Variants in EFNB2 observed in about 807,000 individuals in gnomAD.
The protein encoded by EFNB2 is ephrin-B2.
A neutral mutation model predicts 32.1 loss-of-function variants in EFNB2; 5 were observed. That is an observed-to-expected ratio of 0.16 (90% CI 0.08 to 0.33). The LOEUF is 0.33. Ranked by LOEUF, EFNB2 falls within the 10% of genes least tolerant of loss-of-function variation. EFNB2 has a pLI of 1.00. For missense variants in EFNB2, 263 were observed against 422.6 expected, an observed-to-expected ratio of 0.62 and a Z score of 3.31; for synonymous variants, 168 against 166.5, an observed-to-expected ratio of 1.01 and a Z score of -0.07.
rs1878566783 is a variant in EFNB2, at chr13:106,495,696, T to C, written c.499+52A>G. 3.9e-6 allele frequency: 6 copies of C among 1,558,158 alleles called. No homozygotes were observed. The Admixed American group carries it at 6.9e-5, about 18-fold the overall frequency. The stretch of plus-strand genomic sequence containing the variant: ...TCGGCAACATTAGCACCATACTAGC[T>C]GGGGGCTACACCAGGTCACAGTGGC... On this transcript the variant is annotated intron_variant, in intron 3 of 4. Coordinates refer to ENST00000646441, the MANE Select transcript of EFNB2 (RefSeq NM_004093.4).
intron 1 of EFNB2, among the ~76,000 whole-genome samples, chr13:106,528,414 G>A (rs1594178670): frequency 6.6e-6 from 1 of 151,522 alleles, no homozygotes; most frequent in Admixed American, 6.6e-5. Flanking sequence ...CTCATTTAAT[G>A]ACCATTTTTG....
At chr13:106,505,351 C>T (rs1247995110) in intron 2 of EFNB2, among the ~76,000 whole-genome samples, 1 of 152,128 alleles carries the variant, frequency 6.6e-6, no homozygotes, top group Admixed American at 6.5e-5. Context: ...AAGGGTCCAG[C>T]GGCCCTGGAC....
rs1322194550 is a variant in EFNB2, at chr13:106,512,645, G to T, written c.290C>A (p.Pro97His). The change falls in exon 2 of 5, where the codon CCT (proline) becomes CAT (histidine). Residue 97 changes from proline (P) to histidine (H), a missense_variant. Coordinates refer to ENST00000646441, the MANE Select transcript of EFNB2 (RefSeq NM_004093.4). ...GTCTGGTTTGGCACAGTTGAGGAGA[G>T]GGGTATTTTCCTTCTTAATAGTGCA... ...DRCTIKKENT[P>H]LLNCAKPDQD... 2 of 1,613,724 alleles carry T rather than the reference G, an allele frequency of 1.2e-6. No individual in the cohort carries two copies. The highest frequency in any genetic ancestry group is 1.7e-6 in the Non-Finnish European group (2 of 1,179,920).
intron 2 of EFNB2, among the ~76,000 whole-genome samples, chr13:106,510,578 T>C (rs188434350): frequency 0.032 from 4,455 of 140,996 alleles, 239 homozygotes; most frequent in African/African-American, 0.14. Flanking sequence ...CTCTAGTGTG[T>C]CCCCTCTTCC....
intron 1 of EFNB2, among the ~76,000 whole-genome samples, chr13:106,523,792 C>T (rs1262825356): frequency 6.6e-6 from 1 of 151,828 alleles, no homozygotes; most frequent in Non-Finnish European, 1.5e-5. Context: ...TGATTTGAGT[C>T]TTCTCAGCTC....
At chr13:106,494,017 C>T (rs865936063) in intron 4 of EFNB2, among the ~76,000 whole-genome samples, 3 of 152,164 alleles carry the variant, frequency 2.0e-5, no homozygotes, top group East Asian at 1.9e-4. Context: ...ACTCTCACAC[C>T]GAACAGACTG....
chr13:106,495,514 C>A (rs531899401), intron 3 of EFNB2, among the ~76,000 whole-genome samples: 11 of 152,102 alleles, frequency 7.2e-5, no homozygotes, highest in South Asian at 4.2e-4. Context: ...ATCTATCTAT[C>A]TATCTATCTA....
At position 106,493,228 on chromosome 13, in the gene EFNB2, G is replaced by A. The variant is rs1481927436; in HGVS notation, c.814C>T (p.Leu272=). 6.2e-7 allele frequency: 1 copy of A among 1,614,120 alleles called. No homozygotes were observed. Among genetic ancestry groups the A allele is most frequent in the South Asian group, 1.1e-5 (1 of 91,090 alleles). The change falls in exon 5 of 5, where the codon CTG becomes TTG. Residue 272 remains leucine (L), a synonymous_variant. Coordinates refer to ENST00000646441, the MANE Select transcript of EFNB2 (RefSeq NM_004093.4). This position sits in a 1 kb window ranked among gnomAD's most constrained non-coding sequence, Gnocchi z 6.1. ...QHTTTLSLST[L]ATPKRSGNNN... ...TTGCCGCTGCGCTTGGGTGTGGCCAGTGTGCTGAGCGACAGCGTGGTCGTG... is the reference window on the plus strand; with the variant it reads ...TTGCCGCTGCGCTTGGGTGTGGCCAATGTGCTGAGCGACAGCGTGGTCGTG...
Position 106,489,996 on chromosome 13 carries a change from G to A in EFNB2, c.*3044C>T, listed in dbSNP as rs916659092. 2 of 152,436 alleles carry A rather than the reference G, an allele frequency of 1.3e-5. No individual in the cohort carries two copies. Among genetic ancestry groups the A allele is most frequent in the African/African-American group, 2.4e-5 (1 of 41,390 alleles). 9.4% of individuals were successfully genotyped at this position (152,436 alleles called of 1,614,324 possible). ...ATAAATATTCATGGTACATAATTAC[G>A]GCACAAATATGCAGCAATTTGGCAA... On this transcript the variant is annotated 3_prime_UTR_variant, in exon 5 of 5. Coordinates refer to ENST00000646441, the MANE Select transcript of EFNB2 (RefSeq NM_004093.4).
intron 1 of EFNB2, among the ~76,000 whole-genome samples, chr13:106,530,840 C>A (rs1456150898): frequency 6.6e-6 from 1 of 152,194 alleles, no homozygotes; most frequent in Non-Finnish European, 1.5e-5. Context: ...GCTCCAGTTG[C>A]AATGTCCATC....
rs1878501454 is a variant in EFNB2, at chr13:106,493,879, C to G, written c.614-451G>C. Reference sequence around the variant, plus strand: ...AAGGGCCTGCCTTCTAAAGAAGAGCCCTGCCTCCTGGCAGAACAGAACAGC... The same window carrying G: ...AAGGGCCTGCCTTCTAAAGAAGAGCGCTGCCTCCTGGCAGAACAGAACAGC... On this transcript the variant is annotated intron_variant, in intron 4 of 4. Coordinates refer to ENST00000646441, the MANE Select transcript of EFNB2 (RefSeq NM_004093.4). This position sits in a 1 kb window ranked among gnomAD's most constrained non-coding sequence, Gnocchi z 6.1. Among the ~76,000 whole-genome samples the G allele has an allele frequency of 6.6e-6, 1 of 152,212 alleles. No individual in the cohort carries two copies. The highest frequency in any genetic ancestry group is 2.4e-5 in the African/African-American group (1 of 41,444).
In EFNB2 at chr13:106,490,173, C is replaced by T. The variant is rs750770677; in HGVS notation, c.*2867G>A. On this transcript the variant is annotated 3_prime_UTR_variant, in exon 5 of 5. Coordinates refer to ENST00000646441, the MANE Select transcript of EFNB2 (RefSeq NM_004093.4). ...ACCAACATTGCTCTATGTACACAAT[C>T]TGGGTAAGAAAAGCCATTTCTTTCT... The T allele has an allele frequency of 6.6e-6, 1 of 152,608 alleles. No homozygotes were observed. Among genetic ancestry groups the T allele is most frequent in the Non-Finnish European group, 1.5e-5 (1 of 68,034 alleles). The allele number at this position is 152,608 out of a possible 1,614,324, so 9.5% of individuals were successfully genotyped here. A position where few individuals can be genotyped will look rare whatever the true frequency, so the allele number is the denominator to read the frequency against.
In EFNB2 at chr13:106,499,548, CA is replaced by C. The variant is rs568428423; in HGVS notation, c.407-3709del. 3.3e-3 allele frequency among the ~76,000 whole-genome samples: 509 copies of C among 152,240 alleles called. 2 individuals are homozygous for C. Among genetic ancestry groups the C allele is most frequent in the African/African-American group, 0.012 (493 of 41,538 alleles). On this transcript the variant is annotated intron_variant, in intron 2 of 4. Transcript: ENST00000646441. ...AAAGAGTGAAAATAAATTGTTAGTT[CA>C]TTATACTTAGTTTTTCTTTGTATCT... is the stretch of plus-strand genomic sequence containing the variant.
At chr13:106,521,567 C>T (rs936672693) in intron 1 of EFNB2, 2 of 152,162 alleles carry the variant, frequency 1.3e-5, no homozygotes, top group Non-Finnish European at 2.9e-5. Context: ...CCATTTTCCT[C>T]TGTCAGTCTA....
At chr13:106,527,321 T>A (rs1014748512) in intron 1 of EFNB2, among the ~76,000 whole-genome samples, 1 of 151,286 alleles carries the variant, frequency 6.6e-6, no homozygotes, top group African/African-American at 2.4e-5. Flanking sequence ...ATAAATAAAT[T>A]AAGTATGGCA....
chr13:106,522,373 C>G (rs1040687470), intron 1 of EFNB2, among the ~76,000 whole-genome samples: 1 of 152,098 alleles, frequency 6.6e-6, no homozygotes, highest in Non-Finnish European at 1.5e-5. Context: ...GGTGGAACTC[C>G]TGTTATTTAT....
intron 2 of EFNB2, among the ~76,000 whole-genome samples, chr13:106,496,353 T>G (rs1878590346): frequency 6.6e-6 from 1 of 152,226 alleles, no homozygotes; most frequent in Non-Finnish European, 1.5e-5. Context: ...AACCCTTGTC[T>G]TCTTTTTTCA....
rs1878916337 is a variant in EFNB2 at position 106,505,341 on chromosome 13, A to G, written c.406+7188T>C. Among the ~76,000 whole-genome samples the G allele has an allele frequency of 2.0e-5, 3 of 152,216 alleles. No individual in the cohort carries two copies. The South Asian group carries it at 6.2e-4, about 31-fold the overall frequency. On this transcript the variant is annotated intron_variant, in intron 2 of 4. Transcript: ENST00000646441. Reference sequence around the variant, plus strand: ...TGTTGTAAACTAACAACGCCGGCCTAAGGGTCCAGCGGCCCTGGACTGAGT... The same window carrying G: ...TGTTGTAAACTAACAACGCCGGCCTGAGGGTCCAGCGGCCCTGGACTGAGT...
intron 4 of EFNB2, 135 bp downstream of exon 4, chr13:106,494,746 C>T: frequency 1.5e-6 from 1 of 665,628 alleles, no homozygotes; most frequent in Non-Finnish European, 2.7e-6. Context: ...TCACTGACAG[C>T]AAAGATTCCT....
Sources: allele counts gnomAD v4.1 joint callset (sites outside exome capture counted in the v4.1 genomes callset), GRCh38; gene constraint gnomAD v4.1.1; non-coding constraint Gnocchi (gnomAD v3.1); transcripts MANE v1.5; gene names NCBI Gene and HGNC (gene_info 2026-07-23, HGNC 2026-07-21).